Variants in SERINC5 observed in about 807,000 individuals in gnomAD.
SERINC5 encodes serine incorporator 5, also known as chromosome 5 open reading frame 12.
A neutral mutation model predicts 63.1 loss-of-function variants in SERINC5; 41 were observed. The observed-to-expected ratio is 0.65, with a 90% CI of 0.51 to 0.84. The LOEUF (loss-of-function observed/expected upper bound fraction) is 0.84, where lower values mean the gene tolerates loss of function less well. Among genes scored for constraint, SERINC5 ranks in the 40% least tolerant of loss-of-function variants. The pLI, the probability that SERINC5 is intolerant of heterozygous loss-of-function variation, is 0.00. For missense variants in SERINC5, 523 were observed against 573.0 expected, an observed-to-expected ratio of 0.91 and a Z score of 0.89; for synonymous variants, 222 against 215.2, an observed-to-expected ratio of 1.03 and a Z score of -0.28.
chr5:80,163,717 T>TCCATG (rs1747091905), intron 7 of SERINC5, among the ~76,000 whole-genome samples: 1 of 152,208 alleles, frequency 6.6e-6, no homozygotes, highest in Non-Finnish European at 1.5e-5. Flanking sequence ...CATGGTATAA[T>TCCATG]ACCCACTTGA....
At chr5:80,164,910 G>GTTTTGTTTTTTTT (rs1747174810) in intron 7 of SERINC5, among the ~76,000 whole-genome samples, 1 of 85,190 alleles carries the variant, frequency 1.2e-5, no homozygotes, top group African/African-American at 4.9e-5. Flanking sequence ...CTTTTTTTCT[G>GTTTTGTTTTTTTT]TTTTTTTTTT....
intron 5 of SERINC5, among the ~76,000 whole-genome samples, chr5:80,172,633 C>G (rs540280866): frequency 1.9e-4 from 28 of 149,420 alleles, no homozygotes; most frequent in South Asian, 6.2e-4. Context: ...GTGCCAGACA[C>G]TCCAATGACC....
Position 80,147,303 on chromosome 5 carries a change from C to T in SERINC5, c.1054-19G>A. 1 of 1,604,042 alleles carries T rather than the reference C, an allele frequency of 6.2e-7. No individual in the cohort carries two copies. Among genetic ancestry groups the T allele is most frequent in the Non-Finnish European group, 8.5e-7 (1 of 1,175,640 alleles). ...GAGCTATCTGTGAAAGCAAAAGCAACAGTCAGGCGGCTTGTGTTCTATTTC... is the reference window on the plus strand; with the variant it reads ...GAGCTATCTGTGAAAGCAAAAGCAATAGTCAGGCGGCTTGTGTTCTATTTC... On this transcript the variant is annotated intron_variant, in intron 9 of 11. Transcript: ENST00000507668.
intron 1 of SERINC5, among the ~76,000 whole-genome samples, chr5:80,252,988 A>G (rs1442176971): frequency 6.6e-6 from 1 of 152,230 alleles, no homozygotes; most frequent in Non-Finnish European, 1.5e-5. Context: ...CATTAAATTT[A>G]TAATAGGCAT....
rs529013917 is a variant in SERINC5 at position 80,228,097 on chromosome 5, T to C, written c.28-25044A>G. On this transcript the variant is annotated intron_variant, in intron 1 of 11. Transcript: ENST00000507668. ...AAAAAAAAAAATTAGCCAGGCATGG[T>C]AGCATGCACCTGTAGTCTCAGCTGC... Among the ~76,000 whole-genome samples the C allele has an allele frequency of 4.1e-5, 6 of 147,338 alleles. No individual in the cohort carries two copies. The South Asian group carries it at 1.3e-3, about 32-fold the overall frequency.
intron 11 of SERINC5, among the ~76,000 whole-genome samples, chr5:80,123,467 G>A (rs921711472): frequency 2.6e-5 from 4 of 152,128 alleles, no homozygotes; most frequent in Non-Finnish European, 4.4e-5. Context: ...GGGAGATGGT[G>A]GAAGTTAGAG....
intron 9 of SERINC5, among the ~76,000 whole-genome samples, chr5:80,148,569 G>A (rs953609786): frequency 3.3e-5 from 5 of 151,968 alleles, no homozygotes; most frequent in African/African-American, 4.8e-5. Context: ...TTGGGAGACT[G>A]AGGGAGGAAG....
chr5:80,124,384 C>T (rs940144589), intron 11 of SERINC5, among the ~76,000 whole-genome samples: 1 of 152,206 alleles, frequency 6.6e-6, no homozygotes, highest in Non-Finnish European at 1.5e-5. Flanking sequence ...CACACCTCTG[C>T]CTGCCTTTAA....
intron 5 of SERINC5, among the ~76,000 whole-genome samples, chr5:80,169,922 C>G (rs1483610698): frequency 2.6e-5 from 4 of 152,144 alleles, no homozygotes; most frequent in Admixed American, 1.3e-4. Flanking sequence ...TAAAAGCACA[C>G]AAGTCACAGA....
intron 1 of SERINC5, among the ~76,000 whole-genome samples, chr5:80,247,997 C>T (rs1348760680): frequency 6.6e-6 from 1 of 151,830 alleles, no homozygotes; most frequent in African/African-American, 2.4e-5. Context: ...TATATAGGCA[C>T]ACACACCACC....
intron 1 of SERINC5, among the ~76,000 whole-genome samples, chr5:80,241,713 A>G (rs575361999): frequency 6.6e-6 from 1 of 152,176 alleles, no homozygotes; most frequent in Non-Finnish European, 1.5e-5. Flanking sequence ...AAAAATAATT[A>G]ATAGGAATAA....
chr5:80,162,160 CA>C lies in SERINC5; in HGVS notation c.860-3199del, dbSNP rs147114270. 8.9e-4 allele frequency among the ~76,000 whole-genome samples: 136 copies of C among 152,208 alleles called. 1 individual carries two copies. The highest frequency in any genetic ancestry group is 1.6e-3 in the Non-Finnish European group (109 of 68,022). ...CTCCAGCTTTGAAGTGTGATTCCTC[CA>C]AGTTTTGTTCTTTTTGCTTAGGATT... On this transcript the variant is annotated intron_variant, in intron 7 of 11. Transcript: ENST00000507668.
chr5:80,143,623 A>G lies in SERINC5; in HGVS notation c.*40T>C. Reference sequence around the variant, plus strand: ...CACTGTTCAAAAGATGGCACTTTCCAGGCTGTAGGCCCACAAAGCCCAGGG... The same window carrying G: ...CACTGTTCAAAAGATGGCACTTTCCGGGCTGTAGGCCCACAAAGCCCAGGG... On this transcript the variant is annotated 3_prime_UTR_variant, in exon 12 of 12. Transcript: ENST00000507668. 6.5e-7 allele frequency: 1 copy of G among 1,526,760 alleles called. No homozygotes were observed. 94.6% of individuals were successfully genotyped at this position (1,526,760 alleles called of 1,614,324 possible). A position where few individuals can be genotyped will look rare whatever the true frequency, so the allele number is the denominator to read the frequency against.
rs575248447 is a variant in SERINC5 at position 80,153,759 on chromosome 5, C to G, written c.987-2811G>C. On this transcript the variant is annotated intron_variant, in intron 8 of 11. Coordinates refer to ENST00000507668, the MANE Select transcript of SERINC5 (RefSeq NM_001174072.3). ...ACTGTCTCTGCCTGCTGCCACCCCACCCCAACCCAGCCAAAATGCCAGCAG... is the reference window on the plus strand; with the variant it reads ...ACTGTCTCTGCCTGCTGCCACCCCAGCCCAACCCAGCCAAAATGCCAGCAG... 2.0e-5 allele frequency among the ~76,000 whole-genome samples: 3 copies of G among 151,952 alleles called. No individual in the cohort carries two copies. In the South Asian group the frequency reaches 6.2e-4, roughly 32 times the overall value.
At chr5:80,198,535 G>A (rs2112478970) in intron 2 of SERINC5, 7 of 985,418 alleles carry the variant, frequency 7.1e-6, no homozygotes, top group Non-Finnish European at 8.4e-6. Flanking sequence ...CGCTGGGTAG[G>A]AGGCACTTAC....
chr5:80,246,298 AC>A (rs1752167072), intron 1 of SERINC5, among the ~76,000 whole-genome samples: 1 of 152,172 alleles, frequency 6.6e-6, no homozygotes, highest in Non-Finnish European at 1.5e-5. Context: ...ACAAAACAAA[AC>A]AAAAAAATGG....
At chr5:80,111,908 T>G (rs1406739661) in intron 12 of SERINC5, among the ~76,000 whole-genome samples, 1 of 152,230 alleles carries the variant, frequency 6.6e-6, no homozygotes, top group Non-Finnish European at 1.5e-5. Context: ...TCTAGGGCTG[T>G]GCAGGATGTG....
chr5:80,153,651 G>T (rs970337697), intron 8 of SERINC5, among the ~76,000 whole-genome samples: 1 of 151,944 alleles, frequency 6.6e-6, no homozygotes. Context: ...AGTATTTCCC[G>T]TGGGGATAGG....
intron 1 of SERINC5, among the ~76,000 whole-genome samples, chr5:80,243,936 G>A (rs915819734): frequency 2.0e-5 from 3 of 151,812 alleles, no homozygotes; most frequent in Non-Finnish European, 4.4e-5. Context: ...AGAAAGTGGG[G>A]GATTTCTCTG....
Sources: gnomAD v4.1 joint callset for allele counts (sites outside exome capture counted in the v4.1 genomes callset) on GRCh38, gnomAD v4.1.1 for gene constraint, MANE v1.5 for transcripts, NCBI Gene and HGNC (gene_info 2026-07-23, HGNC 2026-07-21) for gene names.